STPG1: variants seen among roughly 807,000 people sequenced by gnomAD.
The protein encoded by STPG1 is O(6)-methylguanine-induced apoptosis 2.
STPG1 carries 33 observed loss-of-function variants against 40.1 expected under a neutral mutation model. That is an observed-to-expected ratio of 0.82 (90% CI 0.62 to 1.10). The LOEUF (loss-of-function observed/expected upper bound fraction) is 1.10. Ranked by LOEUF, STPG1 falls within the 50% of genes least tolerant of loss-of-function variation. The pLI is 0.00. For synonymous variants in STPG1, 150 were observed against 155.0 expected, an observed-to-expected ratio of 0.97 and a Z score of 0.24; for missense variants, 396 against 415.1, an observed-to-expected ratio of 0.95 and a Z score of 0.40.
At position 24,399,057 on chromosome 1, in the gene STPG1, T is replaced by C. The variant is rs947058290; in HGVS notation, c.70+2262A>G. ...GTATCAAAATATCATGTGTGCACCATAAATATGTACAACTATTATGTATCC... is the reference window on the plus strand; with the variant it reads ...GTATCAAAATATCATGTGTGCACCACAAATATGTACAACTATTATGTATCC... On this transcript the variant is annotated intron_variant, in intron 2 of 8. Coordinates refer to ENST00000337248, the MANE Select transcript of STPG1 (RefSeq NM_001199013.2). This position sits in a 1 kb window ranked among gnomAD's most constrained non-coding sequence, Gnocchi z 4.0. Among the ~76,000 whole-genome samples, 1 of 152,072 alleles carries C rather than the reference T, an allele frequency of 6.6e-6. No homozygotes were observed. Among genetic ancestry groups the C allele is most frequent in the Non-Finnish European group, 1.5e-5 (1 of 67,970 alleles).
intron 7 of STPG1, among the ~76,000 whole-genome samples, chr1:24,364,749 T>C (rs1452760295): frequency 2.0e-5 from 3 of 152,166 alleles, no homozygotes; most frequent in African/African-American, 2.4e-5. Context: ...CCACAGTGCA[T>C]TGTGACCAGG....
At chr1:24,386,246 C>T (rs750065829) in intron 3 of STPG1, among the ~76,000 whole-genome samples, 2 of 152,222 alleles carry the variant, frequency 1.3e-5, no homozygotes, top group Non-Finnish European at 2.9e-5. Context: ...TTTTCATTTG[C>T]TGAAGCTCAC....
intron 5 of STPG1, among the ~76,000 whole-genome samples, chr1:24,377,073 A>G (rs944539468): frequency 5.3e-5 from 8 of 150,094 alleles, no homozygotes; most frequent in African/African-American, 2.0e-4. Context: ...AGCCTGGCCA[A>G]CATGGTGAAA....
intron 1 of STPG1, chr1:24,410,766 T>C (rs1039362218): frequency 2.0e-5 from 3 of 152,246 alleles, no homozygotes; most frequent in Admixed American, 2.0e-4. Context: ...CAGGTGTGCC[T>C]CACTGGTCCA....
intron 7 of STPG1, among the ~76,000 whole-genome samples, chr1:24,363,281 G>A (rs1055472813): frequency 6.6e-6 from 1 of 152,204 alleles, no homozygotes; most frequent in African/African-American, 2.4e-5. Context: ...GTATGCCCAG[G>A]AGAGGCTCAG....
At chr1:24,390,389 T>C (rs555402435) in intron 3 of STPG1, among the ~76,000 whole-genome samples, 8 of 152,098 alleles carry the variant, frequency 5.3e-5, no homozygotes, top group Non-Finnish European at 8.8e-5. Flanking sequence ...GGGTGGTGGG[T>C]GACACAGGAA....
intron 1 of STPG1, among the ~76,000 whole-genome samples, chr1:24,413,137 T>C (rs1455194148): frequency 2.0e-5 from 3 of 152,206 alleles, no homozygotes; most frequent in African/African-American, 7.2e-5. Context: ...ACCCATTCGA[T>C]AGTCTTCATA....
chr1:24,371,513 C>T (rs1487639406), intron 6 of STPG1, among the ~76,000 whole-genome samples: 3 of 151,482 alleles, frequency 2.0e-5, no homozygotes, highest in Non-Finnish European at 2.9e-5. Flanking sequence ...ATCACTTGAA[C>T]CCAGGAGGCG....
intron 3 of STPG1, among the ~76,000 whole-genome samples, chr1:24,386,462 C>G (rs1046815324): frequency 6.6e-6 from 1 of 152,218 alleles, no homozygotes; most frequent in African/African-American, 2.4e-5. Context: ...TTAAAAATTC[C>G]AAAATGTTGC....
chr1:24,386,013 G>T (rs1024852515), intron 3 of STPG1, among the ~76,000 whole-genome samples: 2 of 152,212 alleles, frequency 1.3e-5, no homozygotes, highest in Admixed American at 1.3e-4. Flanking sequence ...CTGACCATCA[G>T]TTTGCAAGAA....
chr1:24,364,357 G>C, intron 7 of STPG1: 1 of 1,542,882 alleles, frequency 6.5e-7, no homozygotes, highest in Non-Finnish European at 8.7e-7. Context: ...GCACTTCACT[G>C]TAAACTCGGA....
At position 24,372,102 on chromosome 1, in the gene STPG1, C is replaced by CG. The variant is rs1641776411; in HGVS notation, c.571+1599dup. Among the ~76,000 whole-genome samples the CG allele has an allele frequency of 3.9e-5, 6 of 152,194 alleles. No individual in the cohort carries two copies. The South Asian group carries it at 8.3e-4, about 21-fold the overall frequency. ...CTGAGGCAGGAGAATCACTTGAACC[C>CG]GGGGGGCGGAGGTTGCGGTGAGCCG... On this transcript the variant is annotated intron_variant, in intron 6 of 8. Transcript: ENST00000337248.
intron 5 of STPG1, among the ~76,000 whole-genome samples, chr1:24,378,267 G>C (rs1268721576): frequency 6.6e-6 from 1 of 152,116 alleles, no homozygotes; most frequent in African/African-American, 2.4e-5. Flanking sequence ...ATAATATTTT[G>C]GATCTGTTGG....
intron 3 of STPG1, among the ~76,000 whole-genome samples, chr1:24,385,240 G>A (rs1453576315): frequency 2.0e-5 from 3 of 152,332 alleles, no homozygotes; most frequent in South Asian, 4.1e-4. Flanking sequence ...TGCTGTTAAC[G>A]GGTTCTTCTG....
At chr1:24,370,199 C>T (rs1374478502) in intron 6 of STPG1, among the ~76,000 whole-genome samples, 1 of 152,146 alleles carries the variant, frequency 6.6e-6, no homozygotes, top group Non-Finnish European at 1.5e-5. Context: ...AGTTTTCCTT[C>T]TCTATAAACT....
chr1:24,365,247 C>CT (rs1184456271), intron 7 of STPG1, among the ~76,000 whole-genome samples: 18 of 152,058 alleles, frequency 1.2e-4, no homozygotes, highest in Non-Finnish European at 2.6e-4. Flanking sequence ...GACAAGACAG[C>CT]GTGTCTGTGC....
At chr1:24,389,792 A>T (rs1222053000) in intron 3 of STPG1, among the ~76,000 whole-genome samples, 3 of 152,204 alleles carry the variant, frequency 2.0e-5, no homozygotes, top group African/African-American at 7.2e-5. Flanking sequence ...CAAACAGTTA[A>T]AACAGAGAAA....
chr1:24,379,944 T>C, intron 4 of STPG1, 121 bp from the exon 5 acceptor site: 1 of 982,648 alleles, frequency 1.0e-6, no homozygotes, highest in Non-Finnish European at 1.4e-6. Flanking sequence ...GGCGAAACTC[T>C]GGCAGTAACA....
At chr1:24,402,404 G>A (rs1489474702) in intron 1 of STPG1, among the ~76,000 whole-genome samples, 1 of 150,476 alleles carries the variant, frequency 6.6e-6, no homozygotes, top group African/African-American at 2.4e-5. Context: ...ATTTTAATTT[G>A]GATATTTTCA....
Sources: gnomAD v4.1 joint callset for allele counts (sites outside exome capture counted in the v4.1 genomes callset) on GRCh38, gnomAD v4.1.1 for gene constraint, Gnocchi (gnomAD v3.1) non-coding constraint, MANE v1.5 for transcripts, NCBI Gene and HGNC (gene_info 2026-07-23, HGNC 2026-07-21) for gene names.